Variants in FN1 observed in about 807,000 individuals in gnomAD.
FN1 encodes the protein fibronectin 1, also known as fibronectin.
Under a neutral mutation model 297.3 loss-of-function variants are expected in FN1, and 106 were observed. The ratio of observed to expected loss-of-function variants is 0.36; its 90% CI spans 0.30 to 0.42. The LOEUF is 0.42. FN1 is among the 10% of genes least tolerant of loss of function. FN1 has a pLI of 1.00. For synonymous variants in FN1, 1,149 were observed against 1,152.6 expected (o/e 1.00, Z 0.06); for missense variants, 2,690 against 3,124.9 (o/e 0.86, Z 3.32).
At chr2:215,383,306 C>CTCA in intron 31 of FN1, 22 bp downstream of exon 31, 1 of 1,613,538 alleles carries the variant, frequency 6.2e-7, no homozygotes, top group Non-Finnish European at 8.5e-7. Flanking sequence ...CCGCACCTGG[C>CTCA]CGAGATGCAG....
chr2:215,399,415 G>C, intron 20 of FN1, 64 bp from the exon 21 acceptor site: 1 of 1,080,638 alleles, frequency 9.3e-7, no homozygotes. Context: ...ATAGCATATA[G>C]ATAACAAGTA....
At chr2:215,422,313 G>T in intron 9 of FN1, 70 bp from the exon 10 acceptor site, 1 of 1,444,964 alleles carries the variant, frequency 6.9e-7, no homozygotes, top group Non-Finnish European at 9.7e-7. Context: ...GTGTGCAAAA[G>T]GATCAGTTCA....
At chr2:215,424,580 A>T (rs554535730) in intron 7 of FN1, among the ~76,000 whole-genome samples, 1 of 152,294 alleles carries the variant, frequency 6.6e-6, no homozygotes, top group Admixed American at 6.5e-5. Context: ...CAGTTTCTCT[A>T]TTTGTAAAGC....
At chr2:215,370,535 G>GA in intron 40 of FN1, 103 bp from the exon 41 acceptor site, 2 of 558,400 alleles carry the variant, frequency 3.6e-6, no homozygotes, top group South Asian at 3.4e-5. Context: ...CAAAGCAAAG[G>GA]AAGACAAAAA....
chr2:215,372,288 G>A lies in FN1; in HGVS notation c.6335C>T (p.Pro2112Leu), dbSNP rs79389520. The change falls in exon 40 of 46, where the codon CCT becomes CTT. Residue 2112 changes from proline (P) to leucine (L), a missense_variant. Physicochemically the swap from Pro to Leu is moderately conservative, Grantham distance 98 (BLOSUM62 -3). Around this residue, in one of 3 missense-constraint regions of FN1, gnomAD observed 1,743 missense variants for 1,945.2 expected, o/e 0.90. Coordinates refer to ENST00000354785, the MANE Select transcript of FN1 (RefSeq NM_212482.4). ...GTCATACCCAGGGTGGGTGACGAAA[G>A]GGGTCTTTTGAACTGTGGAAGGAAC... ...LDVPSTVQKT[P>L]FVTHPGYDTG... 3.7e-6 allele frequency: 6 copies of A among 1,614,204 alleles called. No homozygotes were observed. In the East Asian group the frequency reaches 8.9e-5, roughly 24 times the overall value.
At chr2:215,371,492 T>C (rs2056098191) in intron 40 of FN1, among the ~76,000 whole-genome samples, 1 of 151,294 alleles carries the variant, frequency 6.6e-6, no homozygotes, top group Non-Finnish European at 1.5e-5. Flanking sequence ...GAATCATCTA[T>C]CTTACTCAAA....
At chr2:215,409,895 C>A (rs746507213) in intron 14 of FN1, 39 bp downstream of exon 14, 25 of 1,612,172 alleles carry the variant, frequency 1.6e-5, no homozygotes, top group African/African-American at 2.7e-5. Context: ...GCTCTAGGAA[C>A]CTCGGGGGTA....
chr2:215,422,036 G>A, intron 10 of FN1, 55 bp downstream of exon 10: 1 of 1,557,138 alleles, frequency 6.4e-7, no homozygotes, highest in Admixed American at 1.7e-5. Flanking sequence ...AAAAAAAAGT[G>A]TCCCTTTCTG....
intron 44 of FN1, 86 bp from the exon 45 acceptor site, chr2:215,362,165 C>T (rs1435857808): frequency 2.0e-6 from 2 of 984,394 alleles, no homozygotes; most frequent in South Asian, 1.3e-5. Flanking sequence ...AGAAAAATGT[C>T]ACATCATATG....
chr2:215,379,498 C>T, intron 33 of FN1, 181 bp from the exon 34 acceptor site: 1 of 603,724 alleles, frequency 1.7e-6, no homozygotes, highest in South Asian at 2.0e-5. Flanking sequence ...AAAGTGTTTG[C>T]TGAGAAATGT....
At chr2:215,382,857 T>C (rs1409823063) in intron 31 of FN1, among the ~76,000 whole-genome samples, 1 of 152,152 alleles carries the variant, frequency 6.6e-6, no homozygotes, top group African/African-American at 2.4e-5. Flanking sequence ...ATAATGATCT[T>C]GAGCCCTGAA....
At chr2:215,397,655 A>G (rs1418994955) in intron 22 of FN1, 25 bp downstream of exon 22, 1 of 1,609,916 alleles carries the variant, frequency 6.2e-7, no homozygotes, top group Non-Finnish European at 8.5e-7. Flanking sequence ...AAAAACTAAT[A>G]GAAAAGGGAA....
rs1329575913 is a variant in FN1, at chr2:215,415,886, CTATCTT to C, written c.1820-934_1820-929del. 5.8e-4 allele frequency among the ~76,000 whole-genome samples: 89 copies of C among 152,182 alleles called. 1 individual carries two copies. Among genetic ancestry groups the C allele is most frequent in the Admixed American group, 1.3e-4 (2 of 15,274 alleles). ...CAGAAAACTATCTTTTCTTAAAACA[CTATCTT>C]TATGATGTCAGTCAATGTTTAAATT... On this transcript the variant is annotated intron_variant, in intron 12 of 45. Transcript: ENST00000354785.
chr2:215,408,903 C>A (rs757021894), intron 15 of FN1, among the ~76,000 whole-genome samples: 3 of 152,120 alleles, frequency 2.0e-5, no homozygotes, highest in Non-Finnish European at 4.4e-5. Flanking sequence ...TGGGAAAACA[C>A]CACTTCTTGT....
At chr2:215,428,359 A>G in intron 5 of FN1, 21 bp from the exon 6 acceptor site, 3 of 1,612,906 alleles carry the variant, frequency 1.9e-6, no homozygotes, top group Non-Finnish European at 2.5e-6. Flanking sequence ...AAGGAAGCAC[A>G]TACATACATC....
intron 10 of FN1, 65 bp from the exon 11 acceptor site, chr2:215,420,866 T>G: frequency 6.6e-7 from 1 of 1,505,192 alleles, no homozygotes; most frequent in Non-Finnish European, 9.2e-7. Context: ...AGAAAAAAGG[T>G]ATGCTTCTCA....
chr2:215,389,303 C>G (rs900371571), intron 26 of FN1, among the ~76,000 whole-genome samples: 1 of 151,922 alleles, frequency 6.6e-6, no homozygotes, highest in Non-Finnish European at 1.5e-5. Context: ...GGGGCTTCAC[C>G]GTGTTAACCA....
In FN1 at chr2:215,414,638, C is replaced by T. The variant is rs967502976; in HGVS notation, c.1941+199G>A. On this transcript the variant is annotated intron_variant, in intron 13 of 45. Coordinates refer to ENST00000354785, the MANE Select transcript of FN1 (RefSeq NM_212482.4). ...CCCCCCCACCGCAAAAAAACAAAACCCAAAACCAAAACCAAAATCCCCTCA... is the reference window on the plus strand; with the variant it reads ...CCCCCCCACCGCAAAAAAACAAAACTCAAAACCAAAACCAAAATCCCCTCA... The T allele has an allele frequency of 8.3e-6, 11 of 1,332,438 alleles. No homozygotes were observed. In the African/African-American group the frequency reaches 1.5e-4, roughly 18 times the overall value. 82.5% of individuals were successfully genotyped at this position (1,332,438 alleles called of 1,614,324 possible).
intron 32 of FN1, 102 bp from the exon 33 acceptor site, chr2:215,381,182 T>A (rs1213939840): frequency 3.1e-5 from 35 of 1,144,774 alleles, no homozygotes; most frequent in Non-Finnish European, 4.3e-5. Context: ...TTTTCTTTGA[T>A]GAAGTCCAAT....
Sources: gnomAD v4.1 joint callset for allele counts (sites outside exome capture counted in the v4.1 genomes callset) on GRCh38, gnomAD v4.1.1 for gene constraint, gnomAD v4.1.1 regional missense constraint, MANE v1.5 for transcripts, NCBI Gene and HGNC (gene_info 2026-07-23, HGNC 2026-07-21) for gene names.